Variants in EPM2A observed in about 807,000 individuals in gnomAD.
The protein encoded by EPM2A is laforin.
Under a neutral mutation model 26.5 loss-of-function variants are expected in EPM2A, and 21 were observed. That is an observed-to-expected ratio of 0.79 (90% confidence interval 0.56 to 1.14). The LOEUF is 1.14. EPM2A is among the 50% of genes most tolerant of loss of function. The pLI, the probability that EPM2A is intolerant of heterozygous loss-of-function variation, is 0.00. For missense variants in EPM2A, 458 were observed against 440.8 expected (o/e 1.04, Z -0.35); for synonymous variants, 217 against 177.6 (o/e 1.22, Z -1.76).
intron 4 of EPM2A, among the ~76,000 whole-genome samples, chr6:145,457,395 AAC>A (rs1460899216): frequency 1.3e-5 from 2 of 151,482 alleles, no homozygotes; most frequent in African/African-American, 4.9e-5. Context: ...GAGGCAGGAG[AAC>A]TGCTTGAACC....
At chr6:145,696,818 TG>T (rs1462043327) in intron 1 of EPM2A, among the ~76,000 whole-genome samples, 11 of 143,694 alleles carry the variant, frequency 7.7e-5, no homozygotes, top group Non-Finnish European at 1.5e-4. Context: ...TGTGTGTGTG[TG>T]TGTGTGTGGT....
At chr6:145,427,127 C>T (rs1461088970) in intron 4 of EPM2A, among the ~76,000 whole-genome samples, 1 of 152,162 alleles carries the variant, frequency 6.6e-6, no homozygotes, top group East Asian at 1.9e-4. Flanking sequence ...TCAACAAATT[C>T]CATCCTGTGC....
At chr6:145,614,261 A>T (rs1775458782) in intron 2 of EPM2A, among the ~76,000 whole-genome samples, 1 of 152,218 alleles carries the variant, frequency 6.6e-6, no homozygotes, top group Non-Finnish European at 1.5e-5. Context: ...AAAATTGAAG[A>T]GAGTTAGGGC....
intron 2 of EPM2A, among the ~76,000 whole-genome samples, chr6:145,610,438 A>T (rs757706110): frequency 3.9e-5 from 6 of 152,222 alleles, no homozygotes; most frequent in Non-Finnish European, 7.3e-5. Flanking sequence ...CCTTATTTAT[A>T]CAGCAATCCT....
At chr6:145,412,089 C>A (rs2114675881) in intron 4 of EPM2A, among the ~76,000 whole-genome samples, 1 of 151,920 alleles carries the variant, frequency 6.6e-6, no homozygotes, top group South Asian at 2.1e-4. Flanking sequence ...CGGTGGCAGA[C>A]ACCTGTAATC....
chr6:145,517,345 AC>A (rs1327325569), intron 2 of EPM2A, among the ~76,000 whole-genome samples: 1 of 151,008 alleles, frequency 6.6e-6, no homozygotes, highest in African/African-American at 2.4e-5. Context: ...ATGTGTTCTT[AC>A]CAAAATAAAA....
intron 4 of EPM2A, among the ~76,000 whole-genome samples, chr6:145,460,239 T>C (rs1779312924): frequency 1.3e-5 from 2 of 152,140 alleles, no homozygotes. Flanking sequence ...ACTGAATATG[T>C]TATTTACCAA....
At chr6:145,500,420 A>G (rs1386310048), downstream of EPM2A, among the ~76,000 whole-genome samples, 1 of 152,258 alleles carries the variant, frequency 6.6e-6, no homozygotes, top group Non-Finnish European at 1.5e-5. Context: ...CTAAGCAGTT[A>G]GTGGCTAATT....
chr6:145,714,151 A>G (rs1775486768), intron 1 of EPM2A, among the ~76,000 whole-genome samples: 1 of 152,210 alleles, frequency 6.6e-6, no homozygotes. Flanking sequence ...ATAAGTGTTG[A>G]TAGTTACATA....
At chr6:145,431,588 T>C (rs996920972) in intron 4 of EPM2A, among the ~76,000 whole-genome samples, 1 of 152,228 alleles carries the variant, frequency 6.6e-6, no homozygotes, top group African/African-American at 2.4e-5. Flanking sequence ...ATTTTAAAAG[T>C]ACTTTATTGC....
intron 4 of EPM2A, among the ~76,000 whole-genome samples, chr6:145,452,614 G>A (rs1288905944): frequency 6.7e-6 from 1 of 150,316 alleles, no homozygotes; most frequent in East Asian, 1.9e-4. Context: ...GGAGCTTGCA[G>A]GGAGGCGGAG....
chr6:145,668,568 G>A (rs866594771), intron 2 of EPM2A, among the ~76,000 whole-genome samples: 2 of 152,082 alleles, frequency 1.3e-5, no homozygotes, highest in Middle Eastern at 3.4e-3. Context: ...ACTACTCTGG[G>A]GCAAGAAAGT....
intron 4 of EPM2A, chr6:145,490,895 A>G: frequency 1.4e-6 from 1 of 714,426 alleles, no homozygotes. Flanking sequence ...ATCTGCCAAC[A>G]GTGCTAGAGC....
intron 4 of EPM2A, among the ~76,000 whole-genome samples, chr6:145,487,706 G>A (rs1248456234): frequency 2.0e-5 from 3 of 152,000 alleles, no homozygotes; most frequent in African/African-American, 7.2e-5. Context: ...CCTTATAGAT[G>A]CTAGATATTA....
At chr6:145,705,898 G>A (rs1470861906) in intron 1 of EPM2A, 1 of 456,754 alleles carries the variant, frequency 2.2e-6, no homozygotes, top group South Asian at 1.5e-5. Flanking sequence ...ACATTTCCAA[G>A]ATATACCAAG....
intron 1 of EPM2A, among the ~76,000 whole-genome samples, chr6:145,695,371 A>C (rs544029100): frequency 6.4e-4 from 97 of 152,074 alleles, no homozygotes; most frequent in Non-Finnish European, 1.1e-3. Context: ...AAAGACAACA[A>C]GAGGAAGAAT....
chr6:145,598,857 T>G (rs1224246054), intron 2 of EPM2A, among the ~76,000 whole-genome samples: 1 of 152,208 alleles, frequency 6.6e-6, no homozygotes, highest in Non-Finnish European at 1.5e-5. Context: ...ATTTATTGAA[T>G]AGTAAATCCT....
intron 2 of EPM2A, among the ~76,000 whole-genome samples, chr6:145,566,096 A>G (rs1780881239): frequency 6.6e-6 from 1 of 152,178 alleles, no homozygotes; most frequent in Non-Finnish European, 1.5e-5. Flanking sequence ...TACCAAAATC[A>G]TCTGCATGGT....
chr6:145,504,268 T>C (rs1779937637), intron 2 of EPM2A, among the ~76,000 whole-genome samples: 1 of 111,234 alleles, frequency 9.0e-6, no homozygotes, highest in Non-Finnish European at 1.9e-5. Flanking sequence ...CTAAAGAGCT[T>C]CTGCATAGCA....
Sources: allele counts gnomAD v4.1 joint callset (sites outside exome capture counted in the v4.1 genomes callset), GRCh38; gene constraint gnomAD v4.1.1; transcripts MANE v1.5; gene names NCBI Gene and HGNC (gene_info 2026-07-23, HGNC 2026-07-21).